Variants in CABIN1 observed in about 807,000 individuals in gnomAD.
CABIN1 encodes the protein calcineurin binding protein 1.
CABIN1 carries 133 observed loss-of-function variants against 227.7 expected under a neutral mutation model. The observed-to-expected ratio is 0.58, with a 90% CI of 0.51 to 0.67. CABIN1 has a LOEUF of 0.67. Ranked by LOEUF, CABIN1 falls within the 30% of genes least tolerant of loss-of-function variation. CABIN1 has a pLI of 0.00. For missense variants in CABIN1, 2,408 were observed against 2,852.5 expected, an observed-to-expected ratio of 0.84 and a Z score of 3.55; for synonymous variants, 1,086 against 1,155.1, an observed-to-expected ratio of 0.94 and a Z score of 1.21.
intron 5 of CABIN1, among the ~76,000 whole-genome samples, chr22:24,041,786 T>C (rs1372492620): frequency 6.6e-6 from 1 of 152,242 alleles, no homozygotes; most frequent in African/African-American, 2.4e-5. Context: ...TTCCTACGCA[T>C]ACACTAATCC....
chr22:24,055,579 A>G (rs540814867), intron 9 of CABIN1, among the ~76,000 whole-genome samples: 2 of 152,346 alleles, frequency 1.3e-5, no homozygotes, highest in African/African-American at 2.4e-5. Context: ...ACAGTCAGCA[A>G]AGTTACCAAC....
At chr22:24,087,363 G>A (rs2041236300) in intron 22 of CABIN1, 89 bp from the exon 23 acceptor site, 4 of 1,546,332 alleles carry the variant, frequency 2.6e-6, no homozygotes, top group African/African-American at 2.7e-5. Context: ...GTTTCCATGG[G>A]GTCCATCTGC....
intron 26 of CABIN1, among the ~76,000 whole-genome samples, chr22:24,110,869 A>ATTT (rs782713456): frequency 0.98 from 146,396 of 149,200 alleles, 71,834 homozygotes; most frequent in East Asian, 0.99. Flanking sequence ...CCTAGGTGTG[A>ATTT]TTTTTTTTTT....
intron 10 of CABIN1, among the ~76,000 whole-genome samples, chr22:24,057,461 G>A (rs1270730447): frequency 6.6e-6 from 1 of 152,122 alleles, no homozygotes; most frequent in Non-Finnish European, 1.5e-5. Flanking sequence ...TGTCTGCTGG[G>A]GCATCCTCGC....
chr22:24,017,203 A>AT (rs372426974), intron 1 of CABIN1, among the ~76,000 whole-genome samples: 1 of 151,628 alleles, frequency 6.6e-6, no homozygotes. Flanking sequence ...TGCCCAGCCA[A>AT]TTTTTTTGTA....
chr22:24,095,910 C>A (rs558496192), intron 24 of CABIN1, 21 bp from the exon 25 acceptor site: 2 of 1,613,684 alleles, frequency 1.2e-6, no homozygotes, highest in Non-Finnish European at 8.5e-7. Flanking sequence ...GCTGCTCACA[C>A]TAGAGGTGTC....
chr22:24,085,172 G>T (rs1191070980), intron 22 of CABIN1, 21 bp downstream of exon 22: 2 of 1,613,966 alleles, frequency 1.2e-6, no homozygotes, highest in Admixed American at 1.7e-5. Flanking sequence ...AGATCATGAG[G>T]CTAGGCTGGC....
At position 24,160,700 on chromosome 22, in the gene CABIN1, G is replaced by A. The variant is rs116243216; in HGVS notation, c.4747-3700G>A. 1.4e-3 allele frequency among the ~76,000 whole-genome samples: 207 copies of A among 152,334 alleles called. 1 individual carries two copies. Among genetic ancestry groups the A allele is most frequent in the African/African-American group, 4.8e-3 (200 of 41,574 alleles). The stretch of plus-strand genomic sequence containing the variant: ...GAGACAGCATGAGCCATGAGCCATG[G>A]GCCTGGGCATGGCCTTGGCCTGTTG... On this transcript the variant is annotated intron_variant, in intron 29 of 36. Transcript: ENST00000263119.
At chr22:24,072,225 A>C (rs2040138337) in intron 17 of CABIN1, 129 bp from the exon 18 acceptor site, 1 of 864,514 alleles carries the variant, frequency 1.2e-6, no homozygotes, top group Admixed American at 2.0e-5. Context: ...TACAGTGCCC[A>C]CATCTGAGCA....
intron 26 of CABIN1, 68 bp downstream of exon 26, chr22:24,098,260 A>T: frequency 6.4e-7 from 1 of 1,558,990 alleles, no homozygotes; most frequent in Non-Finnish European, 8.8e-7. Context: ...TGCTCGGACG[A>T]CTCATTTTGT....
chr22:24,162,448 A>G (rs573414393), intron 29 of CABIN1, among the ~76,000 whole-genome samples: 3 of 152,340 alleles, frequency 2.0e-5, no homozygotes, highest in Non-Finnish European at 4.4e-5. Flanking sequence ...AGTGCAAGGT[A>G]AATAAACATA....
intron 29 of CABIN1, among the ~76,000 whole-genome samples, chr22:24,162,803 C>T (rs1362644585): frequency 3.3e-5 from 5 of 152,168 alleles, no homozygotes; most frequent in Admixed American, 6.5e-5. Flanking sequence ...CAAAAGGAAA[C>T]GGAAAGGAGA....
chr22:24,054,846 TC>T, intron 8 of CABIN1, 26 bp from the exon 9 acceptor site: 1 of 1,614,084 alleles, frequency 6.2e-7, no homozygotes, highest in Non-Finnish European at 8.5e-7. Context: ...AGGGTGGTGA[TC>T]AGGTGTTGTG....
chr22:24,167,686 T>A (rs1231875998), intron 32 of CABIN1, among the ~76,000 whole-genome samples: 1 of 152,244 alleles, frequency 6.6e-6, no homozygotes, highest in Non-Finnish European at 1.5e-5. Flanking sequence ...TTTAAACATT[T>A]TATTTTAATG....
Position 24,177,880 on chromosome 22 carries a change from T to G in CABIN1, c.6519+63T>G. ...GGAGGCATAGGTTACAAAGGGGGCC[T>G]AGGATGGGGGTGGGGGTGGCAGGAG... On this transcript the variant is annotated intron_variant, in intron 36 of 36. Transcript: ENST00000263119. This position sits in a 1 kb window ranked among gnomAD's most constrained non-coding sequence, Gnocchi z 4.4. The G allele has an allele frequency of 6.6e-7, 1 of 1,504,920 alleles. No homozygotes were observed. Among genetic ancestry groups the G allele is most frequent in the Non-Finnish European group, 9.1e-7 (1 of 1,103,982 alleles). The allele number at this position is 1,504,920 out of a possible 1,614,324, so 93.2% of individuals were successfully genotyped here. A position where few individuals can be genotyped will look rare whatever the true frequency, so the allele number is the denominator to read the frequency against.
chr22:24,109,221 CT>C (rs869266886), intron 26 of CABIN1, among the ~76,000 whole-genome samples: 603 of 133,132 alleles, frequency 4.5e-3, no homozygotes, highest in Admixed American at 4.7e-3. Flanking sequence ...TTATATTTTG[CT>C]TTTTTTTTTT....
intron 24 of CABIN1, among the ~76,000 whole-genome samples, chr22:24,092,616 C>G (rs1376999157): frequency 6.6e-6 from 1 of 151,572 alleles, no homozygotes; most frequent in Non-Finnish European, 1.5e-5. Flanking sequence ...GCCCAGCAAG[C>G]CTCTTGGAGT....
intron 23 of CABIN1, among the ~76,000 whole-genome samples, chr22:24,091,268 C>T (rs1366540553): frequency 6.6e-6 from 1 of 152,186 alleles, no homozygotes; most frequent in Middle Eastern, 3.2e-3. Context: ...CTCTCCAGTG[C>T]TGTGGAGCAG....
rs113688200 is a variant in CABIN1 at position 24,128,987 on chromosome 22, C to T, written c.4633-5315C>T. Among the ~76,000 whole-genome samples, 105 of 152,326 alleles carry T rather than the reference C, an allele frequency of 6.9e-4. No homozygotes were observed. The Middle Eastern group carries it at 0.014, about 20-fold the overall frequency. ...AGTGGATCATCATCATTGGTTGTGG[C>T]AGGGAGACAGCCCCTGGGGGCAGAG... On this transcript the variant is annotated intron_variant, in intron 28 of 36. Coordinates refer to ENST00000263119, the MANE Select transcript of CABIN1 (RefSeq NM_012295.4).
Sources: gnomAD v4.1 joint callset for allele counts (sites outside exome capture counted in the v4.1 genomes callset) on GRCh38, gnomAD v4.1.1 for gene constraint, Gnocchi (gnomAD v3.1) non-coding constraint, MANE v1.5 for transcripts, NCBI Gene and HGNC (gene_info 2026-07-23, HGNC 2026-07-21) for gene names.